PDE4A: variants seen among roughly 807,000 people sequenced by gnomAD.
The protein encoded by PDE4A is 3',5'-cyclic-AMP phosphodiesterase 4A.
A neutral mutation model predicts 73.9 loss-of-function variants in PDE4A; 21 were observed. The observed-to-expected ratio is 0.28, with a 90% CI of 0.20 to 0.41. PDE4A has a LOEUF of 0.41. Ranked by LOEUF, PDE4A falls within the 10% of genes least tolerant of loss-of-function variation. The probability of loss-of-function intolerance (pLI) is 1.00; values close to 1 mark genes in which losing one functional copy is unlikely to be tolerated. For missense variants in PDE4A, 958 were observed against 1,211.4 expected (o/e 0.79, Z 3.10); for synonymous variants, 463 against 505.4 (o/e 0.92, Z 1.13).
intron 1 of PDE4A, chr19:10,432,379 G>C: frequency 2.3e-6 from 3 of 1,327,282 alleles, no homozygotes; most frequent in Non-Finnish European, 2.9e-6. Context: ...AGCAGCGCGC[G>C]CCACACCGCC....
At chr19:10,460,073 T>G (rs918266597) in intron 10 of PDE4A, among the ~76,000 whole-genome samples, 21 of 152,108 alleles carry the variant, frequency 1.4e-4, no homozygotes, top group African/African-American at 4.8e-4. Flanking sequence ...TTAGTAGAGA[T>G]GGCGTTTCGC....
At position 10,446,302 on chromosome 19, in the gene PDE4A, CG is replaced by C; in HGVS notation, c.409del (p.Ala137ArgfsTer42). The C allele has an allele frequency of 6.2e-7, 1 of 1,611,890 alleles. No individual in the cohort carries two copies. Among genetic ancestry groups the C allele is most frequent in the Non-Finnish European group, 8.5e-7 (1 of 1,179,034 alleles). Reference sequence around the variant, plus strand: ...CGAGCCCAGGACTCGTGCTGCACGCCGGGGCGGCCACCAGCCAGCGCCGGGA... The same window carrying C: ...CGAGCCCAGGACTCGTGCTGCACGCCGGGCGGCCACCAGCCAGCGCCGGGA... Reference protein sequence around the residue: ...QASPGLVLHAGAATSQRRESF... With the variant: ...QASPGLVLHAXAATSQRRESF... On this transcript the variant is annotated frameshift_variant, in exon 2 of 15. Coordinates refer to ENST00000380702, the MANE Select transcript of PDE4A (RefSeq NM_001111307.2). LOFTEE classifies it high-confidence loss of function.
chr19:10,457,778 C>A, intron 7 of PDE4A, 101 bp from the exon 8 acceptor site: 1 of 1,532,280 alleles, frequency 6.5e-7, no homozygotes, highest in South Asian at 1.3e-5. Context: ...TCTGCCGTTT[C>A]GGGTGAGCCT....
Position 10,458,077 on chromosome 19 carries a change from C to T in PDE4A, c.1076C>T (p.Thr359Ile). Reference sequence around the variant, plus strand: ...AACATTCCCCGATTTGGGGTGAAGACCGATCAAGAAGAGCTCCTGGCCCAA... The same window carrying T: ...AACATTCCCCGATTTGGGGTGAAGATCGATCAAGAAGAGCTCCTGGCCCAA... Reference protein sequence around the residue: ...NSNIPRFGVKTDQEELLAQEL... With the variant: ...NSNIPRFGVKIDQEELLAQEL... The change falls in exon 8 of 15, where the codon ACC becomes ATC. Residue 359 changes from threonine (T) to isoleucine (I), a missense_variant. This residue lies in a region of PDE4A where 570 missense variants were observed against 827.7 expected (regional missense o/e 0.69). Coordinates refer to ENST00000380702, the MANE Select transcript of PDE4A (RefSeq NM_001111307.2). This position sits in a 1 kb window ranked among gnomAD's most constrained non-coding sequence, Gnocchi z 4.6. 6.2e-7 allele frequency: 1 copy of T among 1,613,696 alleles called. No individual in the cohort carries two copies. The highest frequency in any genetic ancestry group is 8.5e-7 in the Non-Finnish European group (1 of 1,180,030).
Position 10,453,146 on chromosome 19 carries a change from G to T in PDE4A, c.784-1683G>T. On this transcript the variant is annotated intron_variant, in intron 6 of 14. Transcript: ENST00000380702. The surrounding 1 kb of genome is among the most constrained non-coding windows in gnomAD (Gnocchi z 4.6). ...CTGCTGGGCCGGCCCAGGCCCCTCC[G>T]CGGCTCCCCCTTCCACTACCCACCT... The T allele has an allele frequency of 7.0e-7, 1 of 1,429,212 alleles. No individual in the cohort carries two copies. Among genetic ancestry groups the T allele is most frequent in the Non-Finnish European group, 9.2e-7 (1 of 1,091,092 alleles). The allele number at this position is 1,429,212 out of a possible 1,614,324, so 88.5% of individuals were successfully genotyped here. A position where few individuals can be genotyped will look rare whatever the true frequency, so the allele number is the denominator to read the frequency against.
chr19:10,459,360 G>A, intron 8 of PDE4A, 40 bp from the exon 9 acceptor site: 1 of 1,614,090 alleles, frequency 6.2e-7, no homozygotes. Context: ...AGGGCCCTGA[G>A]CCTTACAGGC....
At chr19:10,430,953 C>T (rs2042780295) in intron 1 of PDE4A, 2 of 1,530,556 alleles carry the variant, frequency 1.3e-6, no homozygotes, top group African/African-American at 1.4e-5. Flanking sequence ...CCTGGCCCCG[C>T]GCGCGCCCCG....
chr19:10,420,490 C>G (rs982178612), upstream of PDE4A: 21 of 881,646 alleles, frequency 2.4e-5, no homozygotes, highest in Non-Finnish European at 2.7e-5. This position sits in a 1 kb window ranked among gnomAD's most constrained non-coding sequence, Gnocchi z 6.0. Flanking sequence ...GCGGAGGAGC[C>G]GGGGCTGGCG....
chr19:10,420,261 TTAAC>T, upstream of PDE4A: 7 of 334,612 alleles, frequency 2.1e-5, no homozygotes, highest in Non-Finnish European at 3.0e-5. This position sits in a 1 kb window ranked among gnomAD's most constrained non-coding sequence, Gnocchi z 6.0. Flanking sequence ...CCAGATCGGA[TTAAC>T]CGTTTAACTC....
upstream of PDE4A, chr19:10,420,427 G>T (rs1015626681): frequency 1.0e-4 from 97 of 958,554 alleles, no homozygotes; most frequent in Middle Eastern, 1.6e-3. This position sits in a 1 kb window ranked among gnomAD's most constrained non-coding sequence, Gnocchi z 6.0. Context: ...GGAGGAGGAG[G>T]GGGGCGGCGC....
intron 3 of PDE4A, 50 bp downstream of exon 3, chr19:10,449,003 G>A (rs755213495): frequency 1.5e-5 from 24 of 1,611,088 alleles, no homozygotes; most frequent in Middle Eastern, 1.6e-4. Flanking sequence ...CCAATGCTCC[G>A]CCACACTTGG....
chr19:10,464,719 CTT>C (rs958783914), intron 14 of PDE4A, among the ~76,000 whole-genome samples: 2 of 150,604 alleles, frequency 1.3e-5, no homozygotes, highest in Non-Finnish European at 3.0e-5. Context: ...TTTCATTTTT[CTT>C]TTTCTTTTTT....
intron 6 of PDE4A, 85 bp from the exon 7 acceptor site, chr19:10,454,744 T>C (rs1456161552): frequency 1.8e-5 from 29 of 1,600,318 alleles, no homozygotes; most frequent in African/African-American, 2.7e-5. Flanking sequence ...TCATGGGGTC[T>C]TCAGGCGTTC....
rs1184438638 is a variant in PDE4A, at chr19:10,467,550, G to A, written c.2590G>A (p.Gly864Arg). 6 of 1,610,114 alleles carry A rather than the reference G, an allele frequency of 3.7e-6. No individual in the cohort carries two copies. The highest frequency in any genetic ancestry group is 5.1e-6 in the Non-Finnish European group (6 of 1,178,176). The change falls in exon 15 of 15, where the codon GGG (glycine) becomes AGG (arginine). Residue 864 changes from glycine (G) to arginine (R), a missense_variant. Gly to Arg is a moderately radical substitution (Grantham distance 125, BLOSUM62 -2). Transcript: ENST00000380702. ...AAKRACSACAGTFGEDTSALP... is the reference protein window; with the variant it reads ...AAKRACSACARTFGEDTSALP... ...CAAGAGGGCTTGCAGTGCCTGCGCA[G>A]GGACATTTGGGGAGGACACATCCGC...
chr19:10,427,442 G>A (rs2042732295), intron 1 of PDE4A: 1 of 968,290 alleles, frequency 1.0e-6, no homozygotes, highest in Non-Finnish European at 1.2e-6. Context: ...GAGTGAGCGA[G>A]GAGGCAGTGG....
upstream of PDE4A, chr19:10,417,659 G>T: frequency 1.3e-6 from 2 of 1,591,750 alleles, no homozygotes; most frequent in Non-Finnish European, 1.7e-6. Flanking sequence ...TCCCTCCCCA[G>T]AGGTCGAGGG....
At chr19:10,417,842 C>T (rs755109138), upstream of PDE4A, 11 of 1,558,964 alleles carry the variant, frequency 7.1e-6, no homozygotes, top group African/African-American at 1.2e-4. Flanking sequence ...CGCGGATTTC[C>T]ATCACCAGGG....
chr19:10,432,635 G>C, intron 1 of PDE4A: 1 of 1,446,552 alleles, frequency 6.9e-7, no homozygotes, highest in Non-Finnish European at 9.2e-7. Context: ...TGTGCTGGGG[G>C]GGTGGGGGTG....
chr19:10,418,083 A>C (rs1313782831), upstream of PDE4A, among the ~76,000 whole-genome samples: 1 of 152,140 alleles, frequency 6.6e-6, no homozygotes, highest in Non-Finnish European at 1.5e-5. Flanking sequence ...TGAGTCAGCA[A>C]GGGGCAGGAC....
Sources: gnomAD v4.1 joint callset for allele counts (sites outside exome capture counted in the v4.1 genomes callset) on GRCh38, gnomAD v4.1.1 for gene constraint, gnomAD v4.1.1 regional missense constraint, Gnocchi (gnomAD v3.1) non-coding constraint, MANE v1.5 for transcripts, NCBI Gene and HGNC (gene_info 2026-07-23, HGNC 2026-07-21) for gene names.